Variants in SIRT5 observed in about 807,000 individuals in gnomAD.
The protein encoded by SIRT5 is NAD-dependent protein deacylase sirtuin-5, mitochondrial.
In SIRT5, 26 loss-of-function variants were observed where a neutral mutation model predicts 40.0. The observed-to-expected ratio is 0.65, with a 90% CI of 0.48 to 0.90. SIRT5 has a LOEUF of 0.90. Among genes scored for constraint, SIRT5 ranks in the 40% least tolerant of loss-of-function variants. SIRT5 has a pLI of 0.00. For synonymous variants in SIRT5, 146 were observed against 149.1 expected, an observed-to-expected ratio of 0.98 and a Z score of 0.15; for missense variants, 401 against 402.4, an observed-to-expected ratio of 1.00 and a Z score of 0.03.
rs1763998716 is a variant in SIRT5 at position 13,612,136 on chromosome 6, GA to G, written c.*272del. ...TTTGATGTGTATGGTTGGTTATTGG[GA>G]GGGAAAAATTTTGTAAATTAGATTG... On this transcript the variant is annotated 3_prime_UTR_variant, in exon 10 of 10. Coordinates refer to ENST00000606117, the MANE Select transcript of SIRT5 (RefSeq NM_012241.5). 3.6e-6 allele frequency: 1 copy of G among 275,274 alleles called. No individual in the cohort carries two copies. The highest frequency in any genetic ancestry group is 2.2e-5 in the African/African-American group (1 of 45,852). The allele number at this position is 275,274 out of a possible 1,614,324, so 17.1% of individuals were successfully genotyped here.
At chr6:13,609,311 G>A (rs924195387) in intron 9 of SIRT5, among the ~76,000 whole-genome samples, 5 of 152,280 alleles carry the variant, frequency 3.3e-5, no homozygotes, top group Admixed American at 6.5e-5. Context: ...GAGGGAGACC[G>A]GACCCCCGTA....
intron 4 of SIRT5, among the ~76,000 whole-genome samples, chr6:13,590,164 C>T (rs1352174490): frequency 6.6e-5 from 10 of 152,122 alleles, no homozygotes; most frequent in Admixed American, 6.5e-4. Flanking sequence ...ATAAAATGCA[C>T]CCATGTGCAT....
intron 4 of SIRT5, among the ~76,000 whole-genome samples, chr6:13,590,619 T>C (rs1243047696): frequency 3.9e-5 from 6 of 152,046 alleles, no homozygotes; most frequent in Non-Finnish European, 7.4e-5. Context: ...TGTGTGTATG[T>C]ATGTTGTGTA....
In SIRT5 at chr6:13,614,362, A is replaced by G. The variant is rs962094900; in HGVS notation, c.*2497A>G. ...GCCTGGGTGGGAATTTTTGAAGTATAAAAAGGACTTCTACCTGGGGGGCTG... is the reference window on the plus strand; with the variant it reads ...GCCTGGGTGGGAATTTTTGAAGTATGAAAAGGACTTCTACCTGGGGGGCTG... On this transcript the variant is annotated 3_prime_UTR_variant, in exon 10 of 10. Transcript: ENST00000606117. 2.0e-5 allele frequency: 3 copies of G among 152,248 alleles called. No homozygotes were observed. Among genetic ancestry groups the G allele is most frequent in the African/African-American group, 7.2e-5 (3 of 41,438 alleles). 9.4% of individuals were successfully genotyped at this position (152,248 alleles called of 1,614,324 possible).
At position 13,614,433 on chromosome 6, in the gene SIRT5, G is replaced by A. The variant is rs1447287415; in HGVS notation, c.*2568G>A. On this transcript the variant is annotated 3_prime_UTR_variant, in exon 10 of 10. Coordinates refer to ENST00000606117, the MANE Select transcript of SIRT5 (RefSeq NM_012241.5). Reference sequence around the variant, plus strand: ...CGGTCGGTACAAATGCATGGCAGGTGTGAAACAGTTTGATTTGTTCAAAGA... The same window carrying A: ...CGGTCGGTACAAATGCATGGCAGGTATGAAACAGTTTGATTTGTTCAAAGA... 2 of 152,224 alleles carry A rather than the reference G, an allele frequency of 1.3e-5. No individual in the cohort carries two copies. Among genetic ancestry groups the A allele is most frequent in the Non-Finnish European group, 2.9e-5 (2 of 68,050 alleles). The allele number at this position is 152,224 out of a possible 1,614,324, so 9.4% of individuals were successfully genotyped here. A position where few individuals can be genotyped will look rare whatever the true frequency, so the allele number is the denominator to read the frequency against.
At chr6:13,579,121 G>A (rs1311630081) in intron 1 of SIRT5, among the ~76,000 whole-genome samples, 1 of 152,146 alleles carries the variant, frequency 6.6e-6, no homozygotes, top group Non-Finnish European at 1.5e-5. Context: ...GTGGAAACTA[G>A]AACCACTGCC....
intron 9 of SIRT5, among the ~76,000 whole-genome samples, chr6:13,601,616 TAAA>T (rs1762402111): frequency 6.6e-6 from 1 of 152,136 alleles, no homozygotes; most frequent in African/African-American, 2.4e-5. Flanking sequence ...TATAAATGAA[TAAA>T]ATAGAAAACT....
In SIRT5 at chr6:13,584,145, T is replaced by G. The variant is rs774986916; in HGVS notation, c.35T>G (p.Ile12Ser). Residue 12 changes from isoleucine (I) to serine (S), a missense_variant, in exon 3 of 10, where the codon ATT becomes AGT. Physicochemically the swap from Ile to Ser is moderately radical, Grantham distance 142. Transcript: ENST00000606117. ...RPLQIVPSRL[I>S]SQLYCGLKPP... ...CTCCAGATTGTCCCAAGTCGATTGA[T>G]TTCCCAGCTATATTGTGGCCTGAAG... The G allele has an allele frequency of 3.7e-6, 6 of 1,614,072 alleles. No homozygotes were observed. Among genetic ancestry groups the G allele is most frequent in the Non-Finnish European group, 5.1e-6 (6 of 1,180,048 alleles).
intron 5 of SIRT5, among the ~76,000 whole-genome samples, chr6:13,593,617 T>TA (rs1256882414): frequency 1.3e-5 from 2 of 152,076 alleles, no homozygotes; most frequent in Admixed American, 6.6e-5. Flanking sequence ...TAACTTAGGT[T>TA]AAAAAAAATC....
intron 1 of SIRT5, among the ~76,000 whole-genome samples, chr6:13,578,780 G>A (rs559735541): frequency 1.3e-4 from 20 of 151,764 alleles, no homozygotes; most frequent in African/African-American, 4.8e-4. Context: ...AGAATTGGTA[G>A]GGTGCCCCCC....
intron 9 of SIRT5, chr6:13,604,747 A>T: frequency 1.6e-6 from 2 of 1,290,246 alleles, no homozygotes; most frequent in Non-Finnish European, 2.0e-6. Context: ...GGCATGTAAT[A>T]TATATCACTG....
chr6:13,578,793 T>G (rs1040068854), intron 1 of SIRT5, among the ~76,000 whole-genome samples: 4 of 152,052 alleles, frequency 2.6e-5, no homozygotes, highest in African/African-American at 9.7e-5. Flanking sequence ...TGCCCCCCTT[T>G]TTCACAGAGA....
At chr6:13,587,670 C>T (rs1760259250) in intron 3 of SIRT5, among the ~76,000 whole-genome samples, 1 of 152,212 alleles carries the variant, frequency 6.6e-6, no homozygotes, top group East Asian at 1.9e-4. Flanking sequence ...CAATTACTTC[C>T]TCTCGTGTTA....
rs574233187 is a variant in SIRT5, at chr6:13,615,153, G to A, written c.*3288G>A. On this transcript the variant is annotated 3_prime_UTR_variant, in exon 10 of 10. Coordinates refer to ENST00000606117, the MANE Select transcript of SIRT5 (RefSeq NM_012241.5). Reference sequence around the variant, plus strand: ...TTCGCCGGCAGAGCATTTTCCGTGGGGTCCATCCGGCTCCAAGGCGGCCTG... The same window carrying A: ...TTCGCCGGCAGAGCATTTTCCGTGGAGTCCATCCGGCTCCAAGGCGGCCTG... 45 of 536,684 alleles carry A rather than the reference G, an allele frequency of 8.4e-5. No homozygotes were observed. In the Admixed American group the frequency reaches 1.4e-3, roughly 17 times the overall value. 33.2% of individuals were successfully genotyped at this position (536,684 alleles called of 1,614,324 possible).
At chr6:13,604,086 G>A (rs780586833) in intron 9 of SIRT5, among the ~76,000 whole-genome samples, 1 of 152,168 alleles carries the variant, frequency 6.6e-6, no homozygotes, top group Non-Finnish European at 1.5e-5. Flanking sequence ...GTTTCTTTGA[G>A]GTTGTTAAAA....
Position 13,615,155 on chromosome 6 carries a change from T to G in SIRT5, c.*3290T>G. ...CGCCGGCAGAGCATTTTCCGTGGGG[T>G]CCATCCGGCTCCAAGGCGGCCTGCG... On this transcript the variant is annotated 3_prime_UTR_variant, in exon 10 of 10. Coordinates refer to ENST00000606117, the MANE Select transcript of SIRT5 (RefSeq NM_012241.5). 1 of 538,418 alleles carries G rather than the reference T, an allele frequency of 1.9e-6. No homozygotes were observed. The highest frequency in any genetic ancestry group is 3.1e-6 in the Non-Finnish European group (1 of 319,426). The allele number at this position is 538,418 out of a possible 1,614,324, so 33.4% of individuals were successfully genotyped here. A position where few individuals can be genotyped will look rare whatever the true frequency, so the allele number is the denominator to read the frequency against.
rs200849584 is a variant in SIRT5, at chr6:13,604,612, G to A, written c.857+3663G>A. On this transcript the variant is annotated intron_variant, in intron 9 of 9. Coordinates refer to ENST00000606117, the MANE Select transcript of SIRT5 (RefSeq NM_012241.5). Reference sequence around the variant, plus strand: ...TTTCCACAACCCAAGTTTAGAGTTGGCCCCCACCTCCCATGCCATGGACTG... The same window carrying A: ...TTTCCACAACCCAAGTTTAGAGTTGACCCCCACCTCCCATGCCATGGACTG... 1.3e-3 allele frequency: 1,896 copies of A among 1,500,270 alleles called. 3 individuals are homozygous for A. Among genetic ancestry groups the A allele is most frequent in the Non-Finnish European group, 1.6e-3 (1,830 of 1,132,066 alleles). The allele number at this position is 1,500,270 out of a possible 1,614,324, so 92.9% of individuals were successfully genotyped here.
chr6:13,604,650 C>G, intron 9 of SIRT5: 3 of 1,423,512 alleles, frequency 2.1e-6, no homozygotes, highest in Non-Finnish European at 2.7e-6. Flanking sequence ...CAGCAGGGGC[C>G]CAGCATCCCT....
At chr6:13,580,775 C>T (rs1759244410) in intron 2 of SIRT5, among the ~76,000 whole-genome samples, 1 of 152,162 alleles carries the variant, frequency 6.6e-6, no homozygotes, top group Non-Finnish European at 1.5e-5. Flanking sequence ...CTCAAGTGAT[C>T]CTCCTACCTC....
Sources: allele counts gnomAD v4.1 joint callset (sites outside exome capture counted in the v4.1 genomes callset), GRCh38; gene constraint gnomAD v4.1.1; transcripts MANE v1.5; gene names NCBI Gene and HGNC (gene_info 2026-07-23, HGNC 2026-07-21).